Variants in LSAMP observed in about 807,000 individuals in gnomAD.
LSAMP encodes the protein limbic system associated membrane protein, also known as limbic system-associated membrane protein.
LSAMP carries 7 observed loss-of-function variants against 38.6 expected under a neutral mutation model. The ratio of observed to expected loss-of-function variants is 0.18; its 90% confidence interval spans 0.10 to 0.34. LSAMP has a LOEUF of 0.34. Among genes scored for constraint, LSAMP ranks in the 10% least tolerant of loss-of-function variants. The pLI is 1.00. For synonymous variants in LSAMP, 154 were observed against 166.8 expected, an observed-to-expected ratio of 0.92 and a Z score of 0.59; for missense variants, 313 against 420.0, an observed-to-expected ratio of 0.75 and a Z score of 2.23.
intron 1 of LSAMP, among the ~76,000 whole-genome samples, chr3:116,192,613 TTAA>T (rs1364073061): frequency 2.6e-5 from 4 of 152,160 alleles, no homozygotes; most frequent in African/African-American, 7.2e-5. Context: ...GAAAACATTA[TTAA>T]TAAGTGACAC....
chr3:116,307,831 T>G lies in LSAMP; in HGVS notation c.155+137046A>C, dbSNP rs903655612. The stretch of plus-strand genomic sequence containing the variant: ...ACTATACAGCATTATAACCACTATG[T>G]GATTAAGAGCAAAATTGCTGAAATC... On this transcript the variant is annotated intron_variant, in intron 1 of 6. Coordinates refer to ENST00000490035, the MANE Select transcript of LSAMP (RefSeq NM_002338.5). Among the ~76,000 whole-genome samples, 3 of 151,894 alleles carry G rather than the reference T, an allele frequency of 2.0e-5. No homozygotes were observed. In the East Asian group the frequency reaches 5.8e-4, roughly 29 times the overall value.
chr3:116,046,845 C>T, intron 2 of LSAMP, among the ~76,000 whole-genome samples: 1 of 152,164 alleles, frequency 6.6e-6, no homozygotes, highest in East Asian at 1.9e-4. Context: ...GTCAATACCC[C>T]TTTCGCTTCT....
rs114567062 is a variant in LSAMP, at chr3:116,438,931, T to C, written c.155+5946A>G. Among the ~76,000 whole-genome samples, 1,135 of 152,320 alleles carry C rather than the reference T, an allele frequency of 7.5e-3. 16 individuals carry two copies. Among genetic ancestry groups the C allele is most frequent in the African/African-American group, 0.026 (1,062 of 41,566 alleles). Reference sequence around the variant, plus strand: ...ATTTGTTCATCTTTGGCTACTGATATATTTCTCAAACGATACAATGTGACT... The same window carrying C: ...ATTTGTTCATCTTTGGCTACTGATACATTTCTCAAACGATACAATGTGACT... On this transcript the variant is annotated intron_variant, in intron 1 of 6. Transcript: ENST00000490035.
intron 1 of LSAMP, among the ~76,000 whole-genome samples, chr3:116,336,603 C>T (rs1559832459): frequency 6.6e-6 from 1 of 151,794 alleles, no homozygotes; most frequent in Non-Finnish European, 1.5e-5. Context: ...TAGCTACTCT[C>T]AAAAGAACAG....
chr3:116,237,290 A>C (rs1400985480), intron 1 of LSAMP, among the ~76,000 whole-genome samples: 1 of 152,162 alleles, frequency 6.6e-6, no homozygotes, highest in Non-Finnish European at 1.5e-5. Context: ...TAATATGTGC[A>C]ACTCTTTGTT....
intron 1 of LSAMP, among the ~76,000 whole-genome samples, chr3:116,191,398 T>A (rs865896669): frequency 2.0e-5 from 3 of 152,142 alleles, no homozygotes; most frequent in South Asian, 4.1e-4. Context: ...CTAAGGGATC[T>A]ACAGGTGGGT....
intron 3 of LSAMP, among the ~76,000 whole-genome samples, chr3:115,941,178 T>C (rs1435866068): frequency 6.6e-6 from 1 of 152,086 alleles, no homozygotes; most frequent in Non-Finnish European, 1.5e-5. Flanking sequence ...AACAGGTATA[T>C]GAAAACATGT....
At chr3:116,175,040 CT>C (rs1380617424) in intron 1 of LSAMP, among the ~76,000 whole-genome samples, 1 of 152,088 alleles carries the variant, frequency 6.6e-6, no homozygotes, top group Non-Finnish European at 1.5e-5. Flanking sequence ...TGTAAGAATT[CT>C]TCTTTAATAA....
At chr3:116,070,900 C>A (rs943439633) in intron 2 of LSAMP, among the ~76,000 whole-genome samples, 1 of 151,810 alleles carries the variant, frequency 6.6e-6, no homozygotes, top group Non-Finnish European at 1.5e-5. Context: ...ATTAGCTGGG[C>A]GTGGTGTCAC....
intron 2 of LSAMP, among the ~76,000 whole-genome samples, chr3:116,049,471 C>T (rs928153982): frequency 9.2e-5 from 14 of 152,142 alleles, no homozygotes; most frequent in Non-Finnish European, 2.1e-4. Flanking sequence ...TCCAATGTCA[C>T]CCAACAAAAG....
At chr3:115,972,353 A>C (rs1306859277) in intron 3 of LSAMP, among the ~76,000 whole-genome samples, 1 of 152,094 alleles carries the variant, frequency 6.6e-6, no homozygotes, top group Non-Finnish European at 1.5e-5. Context: ...AGAACTGTAC[A>C]CTAAAAAGCA....
At chr3:115,839,264 TC>T (rs1423201370) in intron 6 of LSAMP, among the ~76,000 whole-genome samples, 2 of 59,632 alleles carry the variant, frequency 3.4e-5, no homozygotes, top group Non-Finnish European at 6.3e-5. Flanking sequence ...CTTCTTTCTT[TC>T]CTTCCTTCCT....
intron 1 of LSAMP, among the ~76,000 whole-genome samples, chr3:116,290,873 T>C (rs2047258316): frequency 6.6e-6 from 1 of 152,002 alleles, no homozygotes; most frequent in Admixed American, 6.6e-5. Flanking sequence ...TTAATAATGG[T>C]TAAGACAAGC....
intron 1 of LSAMP, among the ~76,000 whole-genome samples, chr3:116,185,324 A>T (rs1710588642): frequency 6.6e-6 from 1 of 151,974 alleles, no homozygotes; most frequent in Non-Finnish European, 1.5e-5. Flanking sequence ...CATACACTTC[A>T]TATGTGGCCA....
At chr3:116,404,196 T>G (rs2048874653) in intron 1 of LSAMP, among the ~76,000 whole-genome samples, 2 of 152,182 alleles carry the variant, frequency 1.3e-5, no homozygotes. Context: ...GTACAAATAG[T>G]CTATGTGATC....
chr3:116,204,338 C>G (rs1449338412), intron 1 of LSAMP, among the ~76,000 whole-genome samples: 1 of 151,940 alleles, frequency 6.6e-6, no homozygotes, highest in Non-Finnish European at 1.5e-5. Flanking sequence ...AAACTTTCTC[C>G]CATTTTGTAG....
intron 1 of LSAMP, among the ~76,000 whole-genome samples, chr3:116,122,505 C>G (rs1183427892): frequency 2.0e-5 from 3 of 152,120 alleles, no homozygotes; most frequent in African/African-American, 7.2e-5. Flanking sequence ...AAAGTACTTA[C>G]CATTCTTCAA....
chr3:115,869,178 C>G (rs1935946476), intron 3 of LSAMP, among the ~76,000 whole-genome samples: 1 of 151,644 alleles, frequency 6.6e-6, no homozygotes, highest in Admixed American at 6.6e-5. Flanking sequence ...GACAATTGTT[C>G]AAACTTTGAT....
intron 1 of LSAMP, among the ~76,000 whole-genome samples, chr3:116,296,190 T>C (rs976119500): frequency 1.6e-4 from 25 of 152,322 alleles, no homozygotes; most frequent in African/African-American, 6.0e-4. Context: ...AAGAAGACTT[T>C]CTTCTTAGCT....
Sources: allele counts gnomAD v4.1 joint callset (sites outside exome capture counted in the v4.1 genomes callset), GRCh38; gene constraint gnomAD v4.1.1; transcripts MANE v1.5; gene names NCBI Gene and HGNC (gene_info 2026-07-23, HGNC 2026-07-21).